The following KIT variants were observed in gnomAD, a reference collection of about 807,000 sequenced individuals.
KIT encodes mast/stem cell growth factor receptor Kit.
KIT carries 16 observed loss-of-function variants against 105.7 expected under a neutral mutation model. That is an observed-to-expected ratio of 0.15 (90% CI 0.10 to 0.23). The LOEUF is 0.23. Among genes scored for constraint, KIT ranks in the 10% least tolerant of loss-of-function variants. The pLI is 1.00. For missense variants in KIT, 858 were observed against 1,213.8 expected, an observed-to-expected ratio of 0.71 and a Z score of 4.36; for synonymous variants, 438 against 441.1, an observed-to-expected ratio of 0.99 and a Z score of 0.09.
rs769701248 is a variant in KIT, at chr4:54,731,332, G to A, written c.2146G>A (p.Asp716Asn). Residue 716 changes from aspartate (D) to asparagine (N), a missense_variant, in exon 15 of 21, where the codon GAT (aspartate) becomes AAT (asparagine). Transcript: ENST00000288135. ...GACTTGTTTCATCTCTCCCAGCAGC[G>A]ATAGTACTAATGAGTACATGGACAT... ...LLHSKESSCS[D>N]STNEYMDMKP... 6 of 1,611,286 alleles carry A rather than the reference G, an allele frequency of 3.7e-6. No individual in the cohort carries two copies. The highest frequency in any genetic ancestry group is 2.2e-5 in the East Asian group (1 of 44,850).
intron 8 of KIT, among the ~76,000 whole-genome samples, chr4:54,724,877 G>A (rs767626217): frequency 6.6e-6 from 1 of 152,196 alleles, no homozygotes; most frequent in Non-Finnish European, 1.5e-5. Flanking sequence ...GCTTGTTCTA[G>A]TGGGTAGAAA....
chr4:54,711,036 C>T (rs944880805), intron 7 of KIT, among the ~76,000 whole-genome samples: 3 of 152,140 alleles, frequency 2.0e-5, no homozygotes, highest in South Asian at 2.1e-4. Context: ...TGCACCACCA[C>T]GCACAGCTAA....
intron 1 of KIT, among the ~76,000 whole-genome samples, chr4:54,677,535 G>A (rs6834579): frequency 0.08 from 12,218 of 152,250 alleles, 630 homozygotes; most frequent in African/African-American, 0.14. Context: ...TTCAGGGAAA[G>A]TGACTCTTGC....
In KIT at chr4:54,740,574, TA is replaced by T. The variant is rs1387728110; in HGVS notation, c.*2018del. 1 of 233,012 alleles carries T rather than the reference TA, an allele frequency of 4.3e-6. No individual in the cohort carries two copies. The highest frequency in any genetic ancestry group is 8.5e-6 in the Non-Finnish European group (1 of 117,736). The allele number at this position is 233,012 out of a possible 1,614,324, so 14.4% of individuals were successfully genotyped here. A position where few individuals can be genotyped will look rare whatever the true frequency, so the allele number is the denominator to read the frequency against. On this transcript the variant is annotated 3_prime_UTR_variant, in exon 21 of 21. Coordinates refer to ENST00000288135, the MANE Select transcript of KIT (RefSeq NM_000222.3). ...CCCATGAGTCCTTGAAAATATTTTT[TA>T]TATATACAGTAACTTTATGTGTAAA...
Position 54,688,323 on chromosome 4 carries a change from C to T in KIT, c.68-7189C>T, listed in dbSNP as rs76214999. ...ATACAAATCATTAGCTTTTTTATTA[C>T]GAATTGTGGTTAAACACTATGTGAA... On this transcript the variant is annotated intron_variant, in intron 1 of 20. Coordinates refer to ENST00000288135, the MANE Select transcript of KIT (RefSeq NM_000222.3). 2.6e-4 allele frequency among the ~76,000 whole-genome samples: 39 copies of T among 152,258 alleles called. No homozygotes were observed. The East Asian group carries it at 5.8e-3, about 23-fold the overall frequency.
At chr4:54,674,536 C>T (rs943814774) in intron 1 of KIT, among the ~76,000 whole-genome samples, 1 of 152,164 alleles carries the variant, frequency 6.6e-6, no homozygotes, top group African/African-American at 2.4e-5. Context: ...GCTGCCACCA[C>T]CATCTTCCCA....
intron 1 of KIT, among the ~76,000 whole-genome samples, chr4:54,690,163 G>C (rs1330279879): frequency 6.6e-6 from 1 of 151,532 alleles, no homozygotes; most frequent in African/African-American, 2.4e-5. Context: ...CATTTGGGTT[G>C]TTTACACCTT....
Position 54,703,774 on chromosome 4 carries a change from T to C in KIT, c.807T>C (p.Tyr269=). 1 of 1,613,952 alleles carries C rather than the reference T, an allele frequency of 6.2e-7. No homozygotes were observed. The highest frequency in any genetic ancestry group is 1.1e-5 in the South Asian group (1 of 91,076). ...YNSWHHGDFN[Y]ERQATLTISS... ...GCTGGCATCACGGTGACTTCAATTATGAACGTCAGGCAACGTTGACTATCA... is the reference window on the plus strand; with the variant it reads ...GCTGGCATCACGGTGACTTCAATTACGAACGTCAGGCAACGTTGACTATCA... Residue 269 remains tyrosine, a synonymous_variant, in exon 5 of 21, where the codon TAT becomes TAC. Coordinates refer to ENST00000288135, the MANE Select transcript of KIT (RefSeq NM_000222.3).
At position 54,723,657 on chromosome 4, in the gene KIT, G is replaced by T; in HGVS notation, c.1305G>T (p.Glu435Asp). Reference sequence around the variant, plus strand: ...AATGTGTGGCAGCAGGATTCCCAGAGCCCACAATAGATTGGTATTTTTGTC... The same window carrying T: ...AATGTGTGGCAGCAGGATTCCCAGATCCCACAATAGATTGGTATTTTTGTC... Reference protein sequence around the residue: ...MLQCVAAGFPEPTIDWYFCPG... With the variant: ...MLQCVAAGFPDPTIDWYFCPG... Residue 435 changes from glutamate (E) to aspartate (D), a missense_variant, in exon 8 of 21, where the codon GAG (glutamate) becomes GAT (aspartate). Glu to Asp is a conservative substitution (Grantham distance 45, BLOSUM62 2). Transcript: ENST00000288135. The T allele has an allele frequency of 6.2e-7, 1 of 1,613,998 alleles. No individual in the cohort carries two copies. Among genetic ancestry groups the T allele is most frequent in the Non-Finnish European group, 8.5e-7 (1 of 1,179,898 alleles).
chr4:54,729,386 T>G lies in KIT; in HGVS notation c.2042T>G (p.Phe681Cys). The G allele has an allele frequency of 6.2e-7, 1 of 1,613,788 alleles. No homozygotes were observed. The highest frequency in any genetic ancestry group is 8.5e-7 in the Non-Finnish European group (1 of 1,179,788). Residue 681 changes from phenylalanine (F) to cysteine (C), a missense_variant, in exon 14 of 21, where the codon TTT (phenylalanine) becomes TGT (cysteine). By Grantham distance (205) the Phe-to-Cys change is radical. Around this residue, in one of 7 missense-constraint regions of KIT, gnomAD observed 158 missense variants for 218.7 expected, o/e 0.72. Transcript: ENST00000288135. ...EYCCYGDLLNFLRRKRDSFIC... is the reference protein window; with the variant it reads ...EYCCYGDLLNCLRRKRDSFIC... ...TGTTGCTATGGTGATCTTTTGAATT[T>G]TTTGAGAAGAAAACGTGATTCATTT...
At chr4:54,669,824 GCAGAGGGT>G (rs1717982167) in intron 1 of KIT, among the ~76,000 whole-genome samples, 2 of 152,148 alleles carry the variant, frequency 1.3e-5, no homozygotes, top group Admixed American at 1.3e-4. Context: ...GAAAGGTGAT[GCAGAGGGT>G]CAGAGGGTAC....
At chr4:54,666,779 A>G (rs1461337972) in intron 1 of KIT, among the ~76,000 whole-genome samples, 8 of 152,212 alleles carry the variant, frequency 5.3e-5, no homozygotes, top group Non-Finnish European at 1.0e-4. Context: ...AAATGGGAAA[A>G]TAACCAACCG....
chr4:54,720,450 T>C (rs1251328589), intron 7 of KIT, among the ~76,000 whole-genome samples: 1 of 152,246 alleles, frequency 6.6e-6, no homozygotes, highest in Non-Finnish European at 1.5e-5. Flanking sequence ...GCTAGAAGGC[T>C]TGGATGTTAG....
chr4:54,728,271 A>G (rs1722369279), intron 13 of KIT, 150 bp downstream of exon 13: 1 of 713,390 alleles, frequency 1.4e-6, no homozygotes, highest in African/African-American at 1.8e-5. Context: ...TGTTTTCCTC[A>G]TTGTTCTTAA....
At chr4:54,738,225 T>A in intron 20 of KIT, among the ~76,000 whole-genome samples, 1 of 152,232 alleles carries the variant, frequency 6.6e-6, no homozygotes. Flanking sequence ...TATAAAGTTA[T>A]TTCCTTGGAA....
At chr4:54,707,404 T>C in intron 6 of KIT, 117 bp downstream of exon 6, 1 of 771,922 alleles carries the variant, frequency 1.3e-6, no homozygotes, top group East Asian at 2.7e-5. Context: ...AAGAAGAAAG[T>C]CTGGGGCTGC....
At chr4:54,731,497 C>A in intron 15 of KIT, 78 bp downstream of exon 15, 1 of 995,784 alleles carries the variant, frequency 1.0e-6, no homozygotes, top group Non-Finnish European at 1.6e-6. Flanking sequence ...AATATAACAT[C>A]ATTCCCAGTA....
At chr4:54,683,041 T>C (rs182376594) in intron 1 of KIT, among the ~76,000 whole-genome samples, 307 of 151,478 alleles carry the variant, frequency 2.0e-3, no homozygotes, top group Non-Finnish European at 3.6e-3. Flanking sequence ...TGTGAGCTAC[T>C]GTGCCCGGCC....
chr4:54,714,442 T>C (rs529072829), intron 7 of KIT, among the ~76,000 whole-genome samples: 1 of 151,994 alleles, frequency 6.6e-6, no homozygotes, highest in South Asian at 2.1e-4. Flanking sequence ...TTGGCTTTTT[T>C]CCCCACTCCA....
Sources: gnomAD v4.1 joint callset for allele counts (sites outside exome capture counted in the v4.1 genomes callset) on GRCh38, gnomAD v4.1.1 for gene constraint, gnomAD v4.1.1 regional missense constraint, MANE v1.5 for transcripts, NCBI Gene and HGNC (gene_info 2026-07-23, HGNC 2026-07-21) for gene names.